The following PHF21A variants were observed in gnomAD, a reference collection of about 807,000 sequenced individuals.
The protein encoded by PHF21A is BHC80a.
A neutral mutation model predicts 82.5 loss-of-function variants in PHF21A; 11 were observed. The ratio of observed to expected loss-of-function variants is 0.13; its 90% CI spans 0.08 to 0.22. The LOEUF is 0.22. PHF21A is among the 10% of genes least tolerant of loss of function. The pLI, the probability that PHF21A is intolerant of heterozygous loss-of-function variation, is 1.00. For missense variants in PHF21A, 579 were observed against 837.8 expected, an observed-to-expected ratio of 0.69 and a Z score of 3.81; for synonymous variants, 297 against 302.8, an observed-to-expected ratio of 0.98 and a Z score of 0.20.
intron 6 of PHF21A, among the ~76,000 whole-genome samples, chr11:46,058,553 TA>T (rs2139405110): frequency 6.6e-6 from 1 of 152,332 alleles, no homozygotes; most frequent in South Asian, 2.1e-4. Context: ...AGATTCAAGG[TA>T]AAAATTCCAT....
At chr11:46,062,106 T>C (rs2066839612) in intron 6 of PHF21A, among the ~76,000 whole-genome samples, 2 of 151,986 alleles carry the variant, frequency 1.3e-5, no homozygotes. Flanking sequence ...TTTTTTTTCC[T>C]CTAAGGAAGC....
At position 46,014,904 on chromosome 11, in the gene PHF21A, C is replaced by T. The variant is rs1218119779; in HGVS notation, c.154-34938G>A. Reference sequence around the variant, plus strand: ...CTGAGGCAGGAGAATGGCGTGAACCCGGGAGGCGGAGCTTGCAGTGAGCCG... The same window carrying T: ...CTGAGGCAGGAGAATGGCGTGAACCTGGGAGGCGGAGCTTGCAGTGAGCCG... On this transcript the variant is annotated intron_variant, in intron 6 of 18. Transcript: ENST00000676320. 2.2e-5 allele frequency among the ~76,000 whole-genome samples: 2 copies of T among 91,318 alleles called. 1 individual carries two copies. Among genetic ancestry groups the T allele is most frequent in the African/African-American group, 1.4e-4 (2 of 14,384 alleles). The allele number at this position is 91,318 out of a possible 152,430, so 59.9% of individuals were successfully genotyped here.
chr11:45,972,576 G>A (rs984618680), intron 7 of PHF21A, among the ~76,000 whole-genome samples: 2 of 152,322 alleles, frequency 1.3e-5, no homozygotes, highest in East Asian at 3.9e-4. Flanking sequence ...TCAGGAGTTC[G>A]AGACTAGCCT....
intron 1 of PHF21A, among the ~76,000 whole-genome samples, chr11:46,108,400 A>ATC (rs1414874411): frequency 1.3e-5 from 2 of 152,052 alleles, no homozygotes; most frequent in African/African-American, 4.8e-5. Flanking sequence ...TAGGTTTGGA[A>ATC]TCTTAATGTA....
chr11:46,015,844 G>A (rs183424234), intron 6 of PHF21A, among the ~76,000 whole-genome samples: 9 of 152,124 alleles, frequency 5.9e-5, no homozygotes, highest in African/African-American at 1.9e-4. Context: ...CAATGCCTTC[G>A]TCTGAAATAC....
chr11:46,009,030 A>G (rs2095358891), intron 6 of PHF21A, among the ~76,000 whole-genome samples: 1 of 138,570 alleles, frequency 7.2e-6, no homozygotes, highest in Non-Finnish European at 1.5e-5. Context: ...GCTGGAGTGC[A>G]GTGGCGTGAT....
chr11:45,972,253 T>G (rs955521791), intron 7 of PHF21A, among the ~76,000 whole-genome samples: 45 of 152,260 alleles, frequency 3.0e-4, no homozygotes, highest in African/African-American at 1.0e-3. Flanking sequence ...AAGCTGTACT[T>G]TTCTAGACTT....
intron 1 of PHF21A, among the ~76,000 whole-genome samples, chr11:46,107,539 T>G (rs1291481085): frequency 6.6e-6 from 1 of 152,236 alleles, no homozygotes; most frequent in Non-Finnish European, 1.5e-5. Context: ...GGTCCAATTC[T>G]TAGAATTTTA....
chr11:46,007,929 T>G (rs2095333355), intron 6 of PHF21A, among the ~76,000 whole-genome samples: 1 of 152,242 alleles, frequency 6.6e-6, no homozygotes, highest in African/African-American at 2.4e-5. Flanking sequence ...GTTGTTATGT[T>G]ATTTTCATTT....
chr11:45,962,737 C>CA (rs1426937240), intron 10 of PHF21A, among the ~76,000 whole-genome samples: 1 of 141,360 alleles, frequency 7.1e-6, no homozygotes, highest in African/African-American at 2.6e-5. Context: ...ACTAAAAATA[C>CA]AAAAAATTAG....
intron 6 of PHF21A, among the ~76,000 whole-genome samples, chr11:46,068,966 T>TC (rs1285742893): frequency 1.3e-5 from 2 of 152,260 alleles, no homozygotes; most frequent in African/African-American, 2.4e-5. Context: ...ATCAAGCATC[T>TC]CTTTCTCAAA....
intron 1 of PHF21A, among the ~76,000 whole-genome samples, chr11:46,102,804 G>C (rs1046728611): frequency 1.3e-5 from 2 of 152,236 alleles, no homozygotes; most frequent in Admixed American, 1.3e-4. Context: ...GCCCAAAGTA[G>C]GGGGTATCCC....
In PHF21A at chr11:45,969,861, A is replaced by C; in HGVS notation, c.656T>G (p.Phe219Cys). 6.2e-7 allele frequency: 1 copy of C among 1,614,008 alleles called. No individual in the cohort carries two copies. The highest frequency in any genetic ancestry group is 8.5e-7 in the Non-Finnish European group (1 of 1,179,946). The change falls in exon 9 of 19, where the codon TTT becomes TGT. Residue 219 changes from phenylalanine to cysteine, a missense_variant. Physicochemically the swap from Phe to Cys is radical, Grantham distance 205. This residue lies in a region of PHF21A where 410 missense variants were observed against 642.1 expected (regional missense o/e 0.64). Coordinates refer to ENST00000676320, the MANE Select transcript of PHF21A (RefSeq NM_001352027.3). Reference protein sequence around the residue: ...TPPQPIKVPQFIPPPRLTPRP... With the variant: ...TPPQPIKVPQCIPPPRLTPRP... ...TGGAGTGAGTCTAGGAGGGGGGATA[A>C]ACTGTGGTACTTTGATGGGCTGAGG...
intron 6 of PHF21A, among the ~76,000 whole-genome samples, chr11:45,994,609 G>C (rs1159442074): frequency 1.1e-4 from 16 of 152,168 alleles, no homozygotes; most frequent in Admixed American, 1.0e-3. Flanking sequence ...TATCTCAGTA[G>C]GCAGCACAGC....
At chr11:46,061,707 G>A (rs1186855784) in intron 6 of PHF21A, among the ~76,000 whole-genome samples, 1 of 152,112 alleles carries the variant, frequency 6.6e-6, no homozygotes, top group Non-Finnish European at 1.5e-5. Context: ...TAAACTGGCT[G>A]TTTTCTAAAC....
intron 1 of PHF21A, among the ~76,000 whole-genome samples, chr11:46,105,445 G>A (rs918018340): frequency 6.6e-6 from 1 of 152,052 alleles, no homozygotes; most frequent in South Asian, 2.1e-4. Flanking sequence ...ATCTGGTTAA[G>A]AGCCCCCAGC....
intron 6 of PHF21A, among the ~76,000 whole-genome samples, chr11:46,019,522 A>T (rs537024012): frequency 1.5e-4 from 23 of 152,106 alleles, no homozygotes; most frequent in African/African-American, 5.5e-4. Context: ...AGTTAAACAT[A>T]CTCTACCATA....
intron 7 of PHF21A, among the ~76,000 whole-genome samples, chr11:45,975,071 T>C (rs1306842363): frequency 6.6e-6 from 1 of 152,112 alleles, no homozygotes; most frequent in Non-Finnish European, 1.5e-5. Context: ...CCCAGCACTT[T>C]GGGAGGCTAA....
chr11:45,985,346 A>G (rs2094455628), intron 6 of PHF21A, among the ~76,000 whole-genome samples: 1 of 152,234 alleles, frequency 6.6e-6, no homozygotes, highest in South Asian at 2.1e-4. Flanking sequence ...CAAAATTACA[A>G]TCTAGAGTAA....
Sources: gnomAD v4.1 joint callset for allele counts (sites outside exome capture counted in the v4.1 genomes callset) on GRCh38, gnomAD v4.1.1 for gene constraint, gnomAD v4.1.1 regional missense constraint, MANE v1.5 for transcripts, NCBI Gene and HGNC (gene_info 2026-07-23, HGNC 2026-07-21) for gene names.